The following RASGRP4 variants were observed in gnomAD, a reference collection of about 807,000 sequenced individuals.
The protein encoded by RASGRP4 is RAS guanyl releasing protein 4, also known as RAS guanyl-releasing protein 4.
In RASGRP4, 52 loss-of-function variants were observed where a neutral mutation model predicts 84.4. The ratio of observed to expected loss-of-function variants is 0.62; its 90% CI spans 0.49 to 0.78. RASGRP4 has a LOEUF of 0.78. Among genes scored for constraint, RASGRP4 ranks in the 30% least tolerant of loss-of-function variants. The pLI is 0.00. For missense variants in RASGRP4, 760 were observed against 886.9 expected (o/e 0.86, Z 1.82); for synonymous variants, 356 against 359.1 (o/e 0.99, Z 0.10).
intron 1 of RASGRP4, among the ~76,000 whole-genome samples, chr19:38,425,190 A>C (rs143298277): frequency 0.038 from 5,697 of 151,114 alleles, 229 homozygotes; most frequent in African/African-American, 0.1. Context: ...TCTCAAAAAA[A>C]AAAAACAAAA....
rs773354653 is a variant in RASGRP4, at chr19:38,415,044, C to T, written c.1034G>A (p.Gly345Asp). 3 of 1,606,728 alleles carry T rather than the reference C, an allele frequency of 1.9e-6. No homozygotes were observed. Among genetic ancestry groups the T allele is most frequent in the Non-Finnish European group, 2.5e-6 (3 of 1,177,042 alleles). Residue 345 changes from glycine to aspartate, a missense_variant, in exon 9 of 17, where the codon GGT becomes GAT. By Grantham distance (94) the Gly-to-Asp change is moderately conservative. Coordinates refer to ENST00000615439, the MANE Select transcript of RASGRP4 (RefSeq NM_170604.3). ...CACGCCCAGTACAGGCAGCCGGAAA[C>T]CCGCGCAGCCAGCCCAGGTGCGGCG... ...RYRRTWAGCA[G>D]FRLPVLGVHL...
intron 1 of RASGRP4, among the ~76,000 whole-genome samples, chr19:38,425,216 A>G (rs1971942060): frequency 6.6e-6 from 1 of 150,950 alleles, no homozygotes; most frequent in African/African-American, 2.4e-5. Flanking sequence ...AAAACCAAAC[A>G]CTTTAAAGGT....
chr19:38,413,561 C>T lies in RASGRP4; in HGVS notation c.1231-87G>A. 8.8e-7 allele frequency: 1 copy of T among 1,139,298 alleles called. No homozygotes were observed. The highest frequency in any genetic ancestry group is 1.3e-6 in the Non-Finnish European group (1 of 779,114). The allele number at this position is 1,139,298 out of a possible 1,614,324, so 70.6% of individuals were successfully genotyped here. A position where few individuals can be genotyped will look rare whatever the true frequency, so the allele number is the denominator to read the frequency against. On this transcript the variant is annotated intron_variant, in intron 9 of 16. Transcript: ENST00000615439. This position sits in a 1 kb window ranked among gnomAD's most constrained non-coding sequence, Gnocchi z 4.7. ...CCACTCGCAGGCTCTTCCCAAAGCC[C>T]CTCCTGGGTTCAAATCCTGGCATTA...
At chr19:38,425,703 C>T (rs912708615) in intron 1 of RASGRP4, among the ~76,000 whole-genome samples, 18 of 152,182 alleles carry the variant, frequency 1.2e-4, no homozygotes, top group African/African-American at 3.9e-4. Flanking sequence ...CCCTGTGCCA[C>T]ACTCCCCTCT....
chr19:38,423,107 C>T (rs1481934138), intron 1 of RASGRP4, among the ~76,000 whole-genome samples: 1 of 152,146 alleles, frequency 6.6e-6, no homozygotes, highest in African/African-American at 2.4e-5. Flanking sequence ...GGAGAAGACC[C>T]CTGGAATCTC....
rs1971895719 is a variant in RASGRP4, at chr19:38,424,316, C to T, written c.23+1753G>A. On this transcript the variant is annotated intron_variant, in intron 1 of 16. Transcript: ENST00000615439. ...TGTATTTTTAGTAGAAATGGGGTTT[C>T]ACCATGTTGGCCAGGCTGGTTTCAA... 2.0e-5 allele frequency among the ~76,000 whole-genome samples: 3 copies of T among 152,102 alleles called. No homozygotes were observed. In the South Asian group the frequency reaches 6.2e-4, roughly 32 times the overall value.
rs1194292524 is a variant in RASGRP4, at chr19:38,417,661, C to T, written c.838-493G>A. On this transcript the variant is annotated intron_variant, in intron 7 of 16. Transcript: ENST00000615439. This position sits in a 1 kb window ranked among gnomAD's most constrained non-coding sequence, Gnocchi z 5.1. ...CAGATGCTAGACAGGTGTGGGGCCACCAGGGCAGCTGGGGAATTCCCTTGC... is the reference window on the plus strand; with the variant it reads ...CAGATGCTAGACAGGTGTGGGGCCATCAGGGCAGCTGGGGAATTCCCTTGC... Among the ~76,000 whole-genome samples the T allele has an allele frequency of 6.6e-6, 1 of 152,060 alleles. No individual in the cohort carries two copies. Among genetic ancestry groups the T allele is most frequent in the African/African-American group, 2.4e-5 (1 of 41,396 alleles).
At position 38,418,700 on chromosome 19, in the gene RASGRP4, C is replaced by T. The variant is rs570438222; in HGVS notation, c.664-136G>A. On this transcript the variant is annotated intron_variant, in intron 6 of 16. Coordinates refer to ENST00000615439, the MANE Select transcript of RASGRP4 (RefSeq NM_170604.3). This position sits in a 1 kb window ranked among gnomAD's most constrained non-coding sequence, Gnocchi z 4.6. ...GACCTTTGTCATCTGTCCCCCAACC[C>T]TCAGGCTGCTACATGTCCTTAACGT... is the stretch of plus-strand genomic sequence containing the variant. 1.9e-4 allele frequency: 155 copies of T among 819,716 alleles called. No homozygotes were observed. Among genetic ancestry groups the T allele is most frequent in the Middle Eastern group, 7.4e-4 (2 of 2,702 alleles). The allele number at this position is 819,716 out of a possible 1,614,324, so 50.8% of individuals were successfully genotyped here.
At position 38,417,254 on chromosome 19, in the gene RASGRP4, G is replaced by T; in HGVS notation, c.838-86C>A. On this transcript the variant is annotated intron_variant, in intron 7 of 16. Transcript: ENST00000615439. The surrounding 1 kb of genome is among the most constrained non-coding windows in gnomAD (Gnocchi z 5.1). ...ATGACAGCATCCCAGTTGAGGTGGG[G>T]TCCCAGGCATGTGTGGACCAATGTG... 1.2e-6 allele frequency: 1 copy of T among 859,502 alleles called. No individual in the cohort carries two copies. The highest frequency in any genetic ancestry group is 1.9e-6 in the Non-Finnish European group (1 of 521,456). 53.2% of individuals were successfully genotyped at this position (859,502 alleles called of 1,614,324 possible). A position where few individuals can be genotyped will look rare whatever the true frequency, so the allele number is the denominator to read the frequency against.
In RASGRP4 at chr19:38,422,015, G is replaced by C. The variant is rs201891360; in HGVS notation, c.162C>G (p.Gly54=). The change falls in exon 2 of 17, where the codon GGC becomes GGG. Residue 54 remains glycine (G), a synonymous_variant. Transcript: ENST00000615439. ...ASMNLGLLSE[G]GCSEDELLEK... The stretch of plus-strand genomic sequence containing the variant: ...CCAGCAGCTCATCTTCGCTGCAGCC[G>C]CCCTCACTCAGCAGGCCCAGGTTCA... 1 of 1,612,998 alleles carries C rather than the reference G, an allele frequency of 6.2e-7. No homozygotes were observed. The highest frequency in any genetic ancestry group is 1.3e-5 in the African/African-American group (1 of 74,888).
In RASGRP4 at chr19:38,417,139, C is replaced by T. The variant is rs368786977; in HGVS notation, c.867G>A (p.Thr289=). ...QRLHQLQNFN[T]LMAVTGGLCH... is the part of the protein sequence containing the mutation. ...ACAGGCCCCCTGTGACTGCCATCAG[C>T]GTGTTGAAATTCTGCAGCTGGTGGA... Residue 289 remains threonine, a synonymous_variant, in exon 8 of 17, where the codon ACG becomes ACA. Coordinates refer to ENST00000615439, the MANE Select transcript of RASGRP4 (RefSeq NM_170604.3). This position sits in a 1 kb window ranked among gnomAD's most constrained non-coding sequence, Gnocchi z 5.1. The T allele has an allele frequency of 3.7e-5, 58 of 1,561,904 alleles. No individual in the cohort carries two copies. The highest frequency in any genetic ancestry group is 4.9e-5 in the Non-Finnish European group (56 of 1,152,984).
chr19:38,418,391 C>T lies in RASGRP4; in HGVS notation c.837G>A (p.Gln279=). The change falls in exon 7 of 17, where the codon CAG becomes CAA. Residue 279 remains glutamine, a splice_region_variant and synonymous_variant. Transcript: ENST00000615439. The surrounding 1 kb of genome is among the most constrained non-coding windows in gnomAD (Gnocchi z 4.6). ...CGCAGCCCCAAGGGGCGGGCCTCAC[C>T]TGTGCCACGTGAATGAACTTGTCCA... ...QVLDKFIHVA[Q]RLHQLQNFNT... is the part of the protein sequence containing the mutation. 1.2e-6 allele frequency: 2 copies of T among 1,603,910 alleles called. No homozygotes were observed. Among genetic ancestry groups the T allele is most frequent in the East Asian group, 2.2e-5 (1 of 44,514 alleles).
At chr19:38,421,630 TGAACCCAGGA>T (rs1971755368) in intron 2 of RASGRP4, among the ~76,000 whole-genome samples, 1 of 151,954 alleles carries the variant, frequency 6.6e-6, no homozygotes, top group South Asian at 2.1e-4. Flanking sequence ...GAGAATCTCT[TGAACCCAGGA>T]GGTGGGGGTT....
chr19:38,422,137 A>G lies in RASGRP4; in HGVS notation c.40T>C (p.Cys14Arg). ...KDSKRKSHQE[C>R]TGKIGGRGRP... Reference sequence around the variant, plus strand: ...CCTCGCCCTCCTATTTTTCCGGTGCATTCCTGGTGGGACTTCCTGTGGGCA... The same window carrying G: ...CCTCGCCCTCCTATTTTTCCGGTGCGTTCCTGGTGGGACTTCCTGTGGGCA... Residue 14 changes from cysteine (C) to arginine (R), a missense_variant, in exon 2 of 17, where the codon TGC becomes CGC. Transcript: ENST00000615439. The G allele has an allele frequency of 6.2e-7, 1 of 1,610,492 alleles. No homozygotes were observed. Among genetic ancestry groups the G allele is most frequent in the Non-Finnish European group, 8.5e-7 (1 of 1,178,670 alleles).
intron 9 of RASGRP4, among the ~76,000 whole-genome samples, chr19:38,414,514 C>A (rs938316443): frequency 3.3e-5 from 5 of 151,852 alleles, no homozygotes; most frequent in African/African-American, 1.2e-4. Flanking sequence ...TTAGTAGAGA[C>A]GGGGTTTCTC....
chr19:38,421,175 C>G lies in RASGRP4; in HGVS notation c.234G>C (p.Glu78Asp). The G allele has an allele frequency of 6.2e-7, 1 of 1,613,800 alleles. No homozygotes were observed. Among genetic ancestry groups the G allele is most frequent in the Non-Finnish European group, 8.5e-7 (1 of 1,179,808 alleles). Residue 78 changes from glutamate (E) to aspartate (D), a missense_variant, in exon 3 of 17, where the codon GAG becomes GAC. Glu to Asp is a conservative substitution (Grantham distance 45, BLOSUM62 2). Coordinates refer to ENST00000615439, the MANE Select transcript of RASGRP4 (RefSeq NM_170604.3). ...CCAGCACCATGTTGAGCATGTGGTC[C>G]TCGTGGCACAGGCTGCCAGCTGAAT... Reference protein sequence around the residue: ...SFDSAGSLCHEDHMLNMVLAM... With the variant: ...SFDSAGSLCHDDHMLNMVLAM...
At chr19:38,425,641 G>T (rs1034523296) in intron 1 of RASGRP4, among the ~76,000 whole-genome samples, 13 of 152,294 alleles carry the variant, frequency 8.5e-5, no homozygotes, top group African/African-American at 3.1e-4. Context: ...GCAGCCCCCT[G>T]TAGGGGTCTG....
intron 13 of RASGRP4, among the ~76,000 whole-genome samples, chr19:38,411,909 A>G (rs1464659292): frequency 1.3e-5 from 2 of 152,186 alleles, no homozygotes; most frequent in African/African-American, 4.8e-5. Flanking sequence ...TGTGGGAAGT[A>G]ATCCAAGGTT....
chr19:38,409,183 T>C lies in RASGRP4; in HGVS notation c.*857A>G, dbSNP rs1168956088. 2 of 265,012 alleles carry C rather than the reference T, an allele frequency of 7.5e-6. No individual in the cohort carries two copies. The highest frequency in any genetic ancestry group is 4.5e-5 in the African/African-American group (2 of 44,146). 16.4% of individuals were successfully genotyped at this position (265,012 alleles called of 1,614,324 possible). Reference sequence around the variant, plus strand: ...TCCCTGGGACTGAATGGGCCCCTGCTGCTCGACCCTCAAAGTTCTTTGCCC... The same window carrying C: ...TCCCTGGGACTGAATGGGCCCCTGCCGCTCGACCCTCAAAGTTCTTTGCCC... On this transcript the variant is annotated 3_prime_UTR_variant, in exon 17 of 17. Transcript: ENST00000615439.
Sources: allele counts gnomAD v4.1 joint callset (sites outside exome capture counted in the v4.1 genomes callset), GRCh38; gene constraint gnomAD v4.1.1; non-coding constraint Gnocchi (gnomAD v3.1); transcripts MANE v1.5; gene names NCBI Gene and HGNC (gene_info 2026-07-23, HGNC 2026-07-21).